The following TP53BP1 variants were observed in gnomAD, a reference collection of about 807,000 sequenced individuals.
TP53BP1 encodes tumor protein p53 binding protein 1.
TP53BP1 carries 61 observed loss-of-function variants against 200.8 expected under a neutral mutation model. The observed-to-expected ratio is 0.30, with a 90% confidence interval of 0.25 to 0.38. The LOEUF (loss-of-function observed/expected upper bound fraction) is 0.38. Ranked by LOEUF, TP53BP1 falls within the 10% of genes least tolerant of loss-of-function variation. The pLI, the probability that TP53BP1 is intolerant of heterozygous loss-of-function variation, is 1.00. For missense variants in TP53BP1, 2,144 were observed against 2,371.9 expected (o/e 0.90, Z 2.00); for synonymous variants, 822 against 844.3 (o/e 0.97, Z 0.46).
Position 43,477,687 on chromosome 15 carries a change from T to C in TP53BP1, c.861A>G (p.Gln287=). ...TCTGCAGTCCACTTTCCATAAGTTC[T>C]TGTGCAGACAACTGTTCTTTTGCTT... ...AMEAKEQLSA[Q]ELMESGLQIQ... The change falls in exon 8 of 28, where the codon CAA becomes CAG. Residue 287 remains glutamine (Q), a synonymous_variant. Transcript: ENST00000382044. 1 of 1,613,852 alleles carries C rather than the reference T, an allele frequency of 6.2e-7. No homozygotes were observed. The highest frequency in any genetic ancestry group is 1.1e-5 in the South Asian group (1 of 91,038).
At chr15:43,447,283 T>G (rs1185881837) in intron 13 of TP53BP1, 83 bp downstream of exon 13, 2 of 1,447,376 alleles carry the variant, frequency 1.4e-6, no homozygotes, top group Non-Finnish European at 1.9e-6. Context: ...CAGACCCAAC[T>G]CCTCAGATCT....
At chr15:43,425,575 A>G (rs2045507417) in intron 18 of TP53BP1, among the ~76,000 whole-genome samples, 1 of 152,214 alleles carries the variant, frequency 6.6e-6, no homozygotes, top group Non-Finnish European at 1.5e-5. Context: ...AGCTGTGATC[A>G]TACCACTGCA....
chr15:43,429,979 T>C (rs557937743), intron 17 of TP53BP1, among the ~76,000 whole-genome samples: 4 of 152,342 alleles, frequency 2.6e-5, no homozygotes, highest in East Asian at 1.9e-4. Flanking sequence ...AACAGCCATA[T>C]GAATGATCAC....
At chr15:43,487,231 C>T (rs778316025) in intron 4 of TP53BP1, among the ~76,000 whole-genome samples, 4 of 151,976 alleles carry the variant, frequency 2.6e-5, no homozygotes, top group Non-Finnish European at 5.9e-5. Context: ...CCATCATTAG[C>T]CATTAGGGAA....
chr15:43,447,420 G>A lies in TP53BP1; in HGVS notation c.2782C>T (p.Pro928Ser). Residue 928 changes from proline (P) to serine (S), a missense_variant, in exon 13 of 28, where the codon CCA becomes TCA. Physicochemically the swap from Pro to Ser is moderately conservative, Grantham distance 74 (BLOSUM62 -1). This residue lies in a region of TP53BP1 where 1,700 missense variants were observed against 1,710.3 expected (regional missense o/e 0.99). Transcript: ENST00000382044. Reference protein sequence around the residue: ...DIIPPLTGATPPLIGHLKLEP... With the variant: ...DIIPPLTGATSPLIGHLKLEP... ...AATTTTAGGTGCCCAATAAGAGGTG[G>A]GGTTGCACCAGTCAATGGTGGGATG... 6.2e-7 allele frequency: 1 copy of A among 1,603,540 alleles called. No homozygotes were observed. Among genetic ancestry groups the A allele is most frequent in the Non-Finnish European group, 8.5e-7 (1 of 1,177,178 alleles).
chr15:43,493,022 C>A lies in TP53BP1; in HGVS notation c.7+15G>T, dbSNP rs755721439. The A allele has an allele frequency of 2.5e-6, 4 of 1,612,568 alleles. No homozygotes were observed. The highest frequency in any genetic ancestry group is 1.7e-5 in the Admixed American group (1 of 59,844). On this transcript the variant is annotated intron_variant, in intron 1 of 27. Coordinates refer to ENST00000382044, the MANE Select transcript of TP53BP1 (RefSeq NM_001141980.3). Reference sequence around the variant, plus strand: ...TTCAGAGCCCACTGCACTCCCATTTCTCTCCAAACAGTACCAGGCATCCCG... The same window carrying A: ...TTCAGAGCCCACTGCACTCCCATTTATCTCCAAACAGTACCAGGCATCCCG...
chr15:43,429,194 T>C (rs1042801196), intron 17 of TP53BP1, among the ~76,000 whole-genome samples: 1 of 152,216 alleles, frequency 6.6e-6, no homozygotes, highest in African/African-American at 2.4e-5. Flanking sequence ...GATAACTTCT[T>C]AGCAAATTAG....
At position 43,477,649 on chromosome 15, in the gene TP53BP1, G is replaced by A. The variant is rs761247287; in HGVS notation, c.899C>T (p.Pro300Leu). The change falls in exon 8 of 28, where the codon CCA becomes CTA. Residue 300 changes from proline to leucine, a missense_variant. Coordinates refer to ENST00000382044, the MANE Select transcript of TP53BP1 (RefSeq NM_001141980.3). The stretch of plus-strand genomic sequence containing the variant: ...CTGAGTTGACAAAACCTCAGGCTCT[G>A]GTGACTTCTGAATCTGCAGTCCACT... ...MESGLQIQKS[P>L]EPEVLSTQED... is the part of the protein sequence containing the mutation. 1 of 1,613,776 alleles carries A rather than the reference G, an allele frequency of 6.2e-7. No homozygotes were observed. Among genetic ancestry groups the A allele is most frequent in the Non-Finnish European group, 8.5e-7 (1 of 1,179,864 alleles).
rs751804111 is a variant in TP53BP1 at position 43,447,497 on chromosome 15, A to G, written c.2717-12T>C. 2.7e-6 allele frequency: 4 copies of G among 1,491,476 alleles called. No homozygotes were observed. Among genetic ancestry groups the G allele is most frequent in the African/African-American group, 1.4e-5 (1 of 69,662 alleles). The allele number at this position is 1,491,476 out of a possible 1,614,324, so 92.4% of individuals were successfully genotyped here. On this transcript the variant is annotated splice_polypyrimidine_tract_variant and intron_variant, in intron 12 of 27. Coordinates refer to ENST00000382044, the MANE Select transcript of TP53BP1 (RefSeq NM_001141980.3). Reference sequence around the variant, plus strand: ...ATGAAATGGGGTTTCTGAAAAAAAAAAAAAAAAGAAAAAAGAAAGAAAGAA... The same window carrying G: ...ATGAAATGGGGTTTCTGAAAAAAAAGAAAAAAAGAAAAAAGAAAGAAAGAA...
In TP53BP1 at chr15:43,456,465, T is replaced by C. The variant is rs144961941; in HGVS notation, c.2143A>G (p.Lys715Glu). 6.4e-7 allele frequency: 1 copy of C among 1,567,350 alleles called. No individual in the cohort carries two copies. The highest frequency in any genetic ancestry group is 1.4e-5 in the African/African-American group (1 of 72,982). ...ACTTCCATAGCTTCTGAGCATTCTT[T>C]TTTTGGCATTTCCTTTTGAAGACAC... ...GLCLQKEMPK[K>E]ECSEAMEVET... The change falls in exon 12 of 28, where the codon AAA (lysine) becomes GAA (glutamate). Residue 715 changes from lysine (K) to glutamate (E), a missense_variant. Lys to Glu is a moderately conservative substitution (Grantham distance 56). Coordinates refer to ENST00000382044, the MANE Select transcript of TP53BP1 (RefSeq NM_001141980.3).
chr15:43,489,578 G>T (rs1247522417), intron 4 of TP53BP1, among the ~76,000 whole-genome samples: 1 of 152,188 alleles, frequency 6.6e-6, no homozygotes, highest in Non-Finnish European at 1.5e-5. Flanking sequence ...GTACAATAAT[G>T]AATTGTAGTG....
At chr15:43,455,826 C>G in intron 12 of TP53BP1, 66 bp downstream of exon 12, 1 of 1,572,202 alleles carries the variant, frequency 6.4e-7, no homozygotes, top group Non-Finnish European at 8.6e-7. Flanking sequence ...GCATGCAGTT[C>G]TCGCCAACTT....
intron 1 of TP53BP1, among the ~76,000 whole-genome samples, chr15:43,509,146 T>C (rs933475242): frequency 8.1e-6 from 1 of 123,126 alleles, no homozygotes; most frequent in African/African-American, 3.1e-5. Flanking sequence ...AGAGGAGGCC[T>C]GTAAATCTCT....
intron 16 of TP53BP1, among the ~76,000 whole-genome samples, chr15:43,435,995 CTTT>C (rs916131658): frequency 1.4e-5 from 2 of 146,684 alleles, no homozygotes; most frequent in African/African-American, 5.0e-5. Flanking sequence ...CCCATCCAGT[CTTT>C]TTTTTTTTCT....
At chr15:43,505,329 C>T (rs2079230598) in intron 1 of TP53BP1, among the ~76,000 whole-genome samples, 1 of 152,244 alleles carries the variant, frequency 6.6e-6, no homozygotes, top group South Asian at 2.1e-4. Flanking sequence ...TCTTTACCAC[C>T]ATCATCTCTA....
chr15:43,481,581 C>G (rs1445838842), intron 4 of TP53BP1, among the ~76,000 whole-genome samples: 2 of 151,514 alleles, frequency 1.3e-5, no homozygotes, highest in African/African-American at 2.4e-5. Context: ...CTTTGGGAGG[C>G]AGAGGCAGGC....
intron 12 of TP53BP1, among the ~76,000 whole-genome samples, chr15:43,449,000 G>A (rs1301940724): frequency 6.6e-6 from 1 of 151,728 alleles, no homozygotes; most frequent in Non-Finnish European, 1.5e-5. Flanking sequence ...AGTGGCAGGT[G>A]CCTGTAATCC....
chr15:43,474,455 C>CA (rs398043214), intron 10 of TP53BP1, among the ~76,000 whole-genome samples: 2,237 of 79,078 alleles, frequency 0.028, 80 homozygotes, highest in South Asian at 0.094. Context: ...TGGGGTTAGA[C>CA]AAAAAAAAAA....
intron 11 of TP53BP1, among the ~76,000 whole-genome samples, chr15:43,466,292 A>G (rs2046579397): frequency 6.6e-6 from 1 of 152,228 alleles, no homozygotes; most frequent in African/African-American, 2.4e-5. Flanking sequence ...TTCTCCAAAA[A>G]GATGAAACAG....
Sources: allele counts gnomAD v4.1 joint callset (sites outside exome capture counted in the v4.1 genomes callset), GRCh38; gene constraint gnomAD v4.1.1; regional missense constraint gnomAD v4.1.1; transcripts MANE v1.5; gene names NCBI Gene and HGNC (gene_info 2026-07-23, HGNC 2026-07-21).